GLYATL2: variants seen among roughly 807,000 people sequenced by gnomAD.
GLYATL2 encodes the protein glycine-N-acyltransferase like 2.
GLYATL2 carries 25 observed loss-of-function variants against 21.4 expected under a neutral mutation model. That is an observed-to-expected ratio of 1.17 (90% CI 0.85 to 1.63). The LOEUF is 1.63. GLYATL2 is among the 40% of genes most tolerant of loss of function. GLYATL2 has a pLI of 0.00. For missense variants in GLYATL2, 361 were observed against 343.3 expected (o/e 1.05, Z -0.41); for synonymous variants, 114 against 118.2 (o/e 0.96, Z 0.23).
Position 58,834,599 on chromosome 11 carries a change from A to G in GLYATL2, c.715T>C (p.Leu239=). Reference sequence around the variant, plus strand: ...TTTTCAAGATGATAACCAATTTGCAACATGTTGCCTTGGTGTCTGTATTTG... The same window carrying G: ...TTTTCAAGATGATAACCAATTTGCAGCATGTTGCCTTGGTGTCTGTATTTG... ...VPKYRHQGNM[L]QIGYHLEKYL... The change falls in exon 6 of 6, where the codon TTG becomes CTG. Residue 239 remains leucine, a synonymous_variant. Coordinates refer to ENST00000287275, the MANE Select transcript of GLYATL2 (RefSeq NM_145016.4). The G allele has an allele frequency of 1.2e-6, 2 of 1,613,894 alleles. No homozygotes were observed. Among genetic ancestry groups the G allele is most frequent in the Non-Finnish European group, 1.7e-6 (2 of 1,179,962 alleles).
intron 1 of GLYATL2, among the ~76,000 whole-genome samples, chr11:58,889,008 C>T (rs1172336633): frequency 2.3e-5 from 3 of 133,058 alleles, no homozygotes; most frequent in African/African-American, 7.7e-5. Context: ...ATCTTTTCAT[C>T]TACAAATATG....
chr11:58,891,143 C>A (rs948562480), intron 1 of GLYATL2, among the ~76,000 whole-genome samples: 1 of 152,190 alleles, frequency 6.6e-6, no homozygotes, highest in Non-Finnish European at 1.5e-5. Context: ...AAAGCACCCT[C>A]AAATTCTTGA....
Position 58,857,340 on chromosome 11 carries a change from C to T in GLYATL2, n.61-18972G>A, listed in dbSNP as rs116720325. ...TTTGAGAAATGTCTATTCAAGATGGCAGTGGGGAGCTAGCGGCAGCTGGCT... is the reference window on the plus strand; with the variant it reads ...TTTGAGAAATGTCTATTCAAGATGGTAGTGGGGAGCTAGCGGCAGCTGGCT... On this transcript the variant is annotated intron_variant and non_coding_transcript_variant, in intron 1 of 4. Transcript: ENST00000533636. Among the ~76,000 whole-genome samples the T allele has an allele frequency of 7.0e-3, 1,071 of 152,244 alleles. 18 individuals carry two copies. Among genetic ancestry groups the T allele is most frequent in the African/African-American group, 0.024 (1,012 of 41,540 alleles).
intron 1 of GLYATL2, among the ~76,000 whole-genome samples, chr11:58,879,346 T>C (rs1177312628): frequency 1.3e-5 from 2 of 152,240 alleles, no homozygotes; most frequent in Non-Finnish European, 2.9e-5. Context: ...GGAAGATATA[T>C]ACACGTTATA....
intron 1 of GLYATL2, among the ~76,000 whole-genome samples, chr11:58,899,509 G>C (rs1353567802): frequency 6.6e-6 from 1 of 152,062 alleles, no homozygotes; most frequent in Non-Finnish European, 1.5e-5. Flanking sequence ...GAGGGAGAAA[G>C]AACAACAAAT....
intron 2 of GLYATL2, 83 bp from the exon 3 acceptor site, chr11:58,838,451 A>G (rs1853482511): frequency 1.2e-6 from 1 of 810,178 alleles, no homozygotes; most frequent in Admixed American, 2.4e-5. Context: ...AAGACATGAC[A>G]TGAGAAATAA....
At position 58,837,415 on chromosome 11, in the gene GLYATL2, AATTATATTTAC is replaced by A; in HGVS notation, c.187-29_187-19del. ...TTCATCTCCTGATATAACAAATATC[AATTATATTTAC>A]ATAGCGCTACAATTTACAAAATGTT... On this transcript the variant is annotated intron_variant, in intron 3 of 5. Transcript: ENST00000287275. 2 of 1,606,886 alleles carry A rather than the reference AATTATATTTAC, an allele frequency of 1.2e-6. No homozygotes were observed. The highest frequency in any genetic ancestry group is 1.7e-6 in the Non-Finnish European group (2 of 1,174,164).
At chr11:58,861,022 C>T (rs906375995) in intron 1 of GLYATL2, among the ~76,000 whole-genome samples, 1 of 151,992 alleles carries the variant, frequency 6.6e-6, no homozygotes, top group African/African-American at 2.4e-5. Context: ...TATTGATGCA[C>T]CTATGTTCAT....
Position 58,834,732 on chromosome 11 carries a change from G to A in GLYATL2, c.582C>T (p.Arg194=). 6.2e-7 allele frequency: 1 copy of A among 1,613,904 alleles called. No individual in the cohort carries two copies. The highest frequency in any genetic ancestry group is 8.5e-7 in the Non-Finnish European group (1 of 1,179,958). ...CAAATCCTAGAAAATCCTGGAGGCAGCGTTCAATATATTTCAAGCTCCTCT... is the reference window on the plus strand; with the variant it reads ...CAAATCCTAGAAAATCCTGGAGGCAACGTTCAATATATTTCAAGCTCCTCT... ...KNERSLKYIE[R]CLQDFLGFGV... Residue 194 remains arginine, a synonymous_variant, in exon 6 of 6, where the codon CGC becomes CGT. Transcript: ENST00000287275.
At chr11:58,880,664 T>C (rs1478441017) in intron 1 of GLYATL2, among the ~76,000 whole-genome samples, 2 of 152,218 alleles carry the variant, frequency 1.3e-5, no homozygotes, top group Non-Finnish European at 2.9e-5. Flanking sequence ...GTTTTTTGTT[T>C]GTTTGTTTGT....
At chr11:58,905,193 G>A (rs1282330078), upstream of GLYATL2, among the ~76,000 whole-genome samples, 1 of 152,228 alleles carries the variant, frequency 6.6e-6, no homozygotes, top group Non-Finnish European at 1.5e-5. Flanking sequence ...AAGCAGTGCT[G>A]GCCCCTTCCT....
At chr11:58,860,599 T>C (rs759632568) in intron 1 of GLYATL2, among the ~76,000 whole-genome samples, 1 of 152,130 alleles carries the variant, frequency 6.6e-6, no homozygotes, top group Non-Finnish European at 1.5e-5. Context: ...TATTTTTTTC[T>C]CTTGCCTAAT....
chr11:58,890,652 T>G (rs1854526518), intron 1 of GLYATL2, among the ~76,000 whole-genome samples: 1 of 152,136 alleles, frequency 6.6e-6, no homozygotes, highest in African/African-American at 2.4e-5. Context: ...TTTGATAGTT[T>G]ATTCTTGAGG....
intron 1 of GLYATL2, among the ~76,000 whole-genome samples, chr11:58,875,858 T>C (rs1417170705): frequency 6.6e-6 from 1 of 152,226 alleles, no homozygotes; most frequent in Non-Finnish European, 1.5e-5. Context: ...TTGGGGAAGT[T>C]CTCCTGGATA....
At chr11:58,862,309 A>G (rs1245093777) in intron 1 of GLYATL2, among the ~76,000 whole-genome samples, 1 of 152,178 alleles carries the variant, frequency 6.6e-6, no homozygotes, top group Non-Finnish European at 1.5e-5. Flanking sequence ...GAATCTTATC[A>G]AACACTTTTA....
chr11:58,845,413 C>T (rs182350203), upstream of GLYATL2, among the ~76,000 whole-genome samples: 121 of 152,228 alleles, frequency 7.9e-4, no homozygotes, highest in African/African-American at 7.2e-5. Flanking sequence ...CAAGCCAGGG[C>T]GACCTAATAA....
chr11:58,845,719 A>G (rs1853630623), upstream of GLYATL2, among the ~76,000 whole-genome samples: 3 of 152,208 alleles, frequency 2.0e-5, no homozygotes, highest in South Asian at 4.1e-4. Flanking sequence ...GTTGCTGAGA[A>G]AAAAATAAAT....
chr11:58,875,670 G>A (rs1279057206), intron 1 of GLYATL2, among the ~76,000 whole-genome samples: 1 of 152,210 alleles, frequency 6.6e-6, no homozygotes, highest in Non-Finnish European at 1.5e-5. Flanking sequence ...CTGTTAGTCT[G>A]TTGGGCTTCC....
upstream of GLYATL2, among the ~76,000 whole-genome samples, chr11:58,909,026 A>C (rs1854976430): frequency 6.6e-6 from 1 of 152,242 alleles, no homozygotes. Context: ...ATCAGACTGC[A>C]GAGGCTGGTT....
Sources: gnomAD v4.1 joint callset for allele counts (sites outside exome capture counted in the v4.1 genomes callset) on GRCh38, gnomAD v4.1.1 for gene constraint, MANE v1.5 for transcripts, NCBI Gene and HGNC (gene_info 2026-07-23, HGNC 2026-07-21) for gene names.